The following PARP11 variants were observed in gnomAD, a reference collection of about 807,000 sequenced individuals.
PARP11 encodes protein mono-ADP-ribosyltransferase PARP11.
In PARP11, 31 loss-of-function variants were observed where a neutral mutation model predicts 42.9. The ratio of observed to expected loss-of-function variants is 0.72; its 90% confidence interval spans 0.54 to 0.98. The LOEUF is 0.98. Among genes scored for constraint, PARP11 ranks in the 50% least tolerant of loss-of-function variants. PARP11 has a pLI of 0.00. For missense variants in PARP11, 365 were observed against 413.1 expected (o/e 0.88, Z 1.01); for synonymous variants, 137 against 127.3 (o/e 1.08, Z -0.51).
At position 3,861,946 on chromosome 12, in the gene PARP11, A is replaced by G. The variant is rs1040109578; in HGVS notation, c.18+11266T>C. ...AGGCTGAGACAGGAGAATGGCGTGA[A>G]CCCAGGAGGCAGAGCTTGCAGTAGG... On this transcript the variant is annotated intron_variant, in intron 1 of 7. Coordinates refer to ENST00000228820, the MANE Select transcript of PARP11 (RefSeq NM_020367.6). This position sits in a 1 kb window ranked among gnomAD's most constrained non-coding sequence, Gnocchi z 4.6. 5.3e-5 allele frequency among the ~76,000 whole-genome samples: 8 copies of G among 152,056 alleles called. No individual in the cohort carries two copies. The highest frequency in any genetic ancestry group is 1.0e-4 in the Non-Finnish European group (7 of 68,008).
Position 3,839,325 on chromosome 12 carries a change from C to G in PARP11, c.19-9307G>C, listed in dbSNP as rs934750363. ...ACATGGAGGCGGCCGTCGGCGTCCC[C>G]GACGGCGAGGACCAGGGCGGCGCGG... On this transcript the variant is annotated intron_variant, in intron 1 of 7. Coordinates refer to ENST00000228820, the MANE Select transcript of PARP11 (RefSeq NM_020367.6). 9 of 1,529,492 alleles carry G rather than the reference C, an allele frequency of 5.9e-6. No individual in the cohort carries two copies. In the African/African-American group the frequency reaches 9.6e-5, roughly 16 times the overall value. 94.7% of individuals were successfully genotyped at this position (1,529,492 alleles called of 1,614,324 possible).
At position 3,828,955 on chromosome 12, in the gene PARP11, T is replaced by C; in HGVS notation, c.223A>G (p.Ile75Val). ...KSFKTNPCGS[I>V]SFTTSKFSYK... ...CTGAATTTGGAAGTAGTAAAAGAAA[T>C]GGAGCCACAAGGGTTTGTTTTGAAG... The change falls in exon 3 of 8, where the codon ATT (isoleucine) becomes GTT (valine). Residue 75 changes from isoleucine to valine, a missense_variant. Transcript: ENST00000228820. The C allele has an allele frequency of 6.2e-7, 1 of 1,613,986 alleles. No individual in the cohort carries two copies. Among genetic ancestry groups the C allele is most frequent in the Non-Finnish European group, 8.5e-7 (1 of 1,179,920 alleles).
chr12:3,868,972 T>C (rs1391214691), intron 1 of PARP11, among the ~76,000 whole-genome samples: 1 of 152,342 alleles, frequency 6.6e-6, no homozygotes, highest in East Asian at 1.9e-4. Flanking sequence ...CTAAAGGTTG[T>C]ATGAGAGAAT....
At chr12:3,841,683 C>G in intron 1 of PARP11, 1 of 1,613,330 alleles carries the variant, frequency 6.2e-7, no homozygotes, top group Non-Finnish European at 8.5e-7. Context: ...AGAATATGTT[C>G]CCCCAGCCAT....
At chr12:3,847,544 CACA>C (rs1948026898) in intron 1 of PARP11, among the ~76,000 whole-genome samples, 1 of 152,160 alleles carries the variant, frequency 6.6e-6, no homozygotes, top group Non-Finnish European at 1.5e-5. Flanking sequence ...CATGACAGAT[CACA>C]ACAACAGAGA....
intron 1 of PARP11, chr12:3,841,048 C>G: frequency 1.3e-6 from 2 of 1,588,420 alleles, no homozygotes; most frequent in East Asian, 2.2e-5. Flanking sequence ...GACCCCTGGA[C>G]CTGATTCTGC....
chr12:3,820,107 T>C (rs1947363293), intron 6 of PARP11, among the ~76,000 whole-genome samples: 1 of 152,216 alleles, frequency 6.6e-6, no homozygotes, highest in Non-Finnish European at 1.5e-5. Context: ...GACCCCTACA[T>C]TTCTGTGTTA....
chr12:3,837,239 G>A (rs1308510125), intron 1 of PARP11, among the ~76,000 whole-genome samples: 3 of 152,236 alleles, frequency 2.0e-5, no homozygotes, highest in South Asian at 2.1e-4. Flanking sequence ...CTCCCACTCA[G>A]CATGGGCAGT....
chr12:3,829,809 T>G, intron 2 of PARP11, 81 bp downstream of exon 2: 1 of 1,368,268 alleles, frequency 7.3e-7, no homozygotes, highest in South Asian at 1.3e-5. Flanking sequence ...AGTTCTATAT[T>G]TATACTCATT....
In PARP11 at chr12:3,840,204, G is replaced by T. The variant is rs1406336113; in HGVS notation, c.19-10186C>A. The T allele has an allele frequency of 1.9e-6, 3 of 1,611,194 alleles. No individual in the cohort carries two copies. The highest frequency in any genetic ancestry group is 1.7e-5 in the Admixed American group (1 of 60,030). ...GGTTGGATCACAATGGAAAATTTTT[G>T]AATGCAGACGTTCAAGGAGTTCATT... On this transcript the variant is annotated intron_variant, in intron 1 of 7. Coordinates refer to ENST00000228820, the MANE Select transcript of PARP11 (RefSeq NM_020367.6). The surrounding 1 kb of genome is among the most constrained non-coding windows in gnomAD (Gnocchi z 4.4).
intron 1 of PARP11, among the ~76,000 whole-genome samples, chr12:3,834,356 G>C (rs1353483224): frequency 6.6e-6 from 1 of 152,156 alleles, no homozygotes; most frequent in Non-Finnish European, 1.5e-5. Flanking sequence ...CAGTGGGCCG[G>C]GTGTGGTGGT....
chr12:3,840,099 G>A lies in PARP11; in HGVS notation c.19-10081C>T, dbSNP rs1036860709. On this transcript the variant is annotated intron_variant, in intron 1 of 7. Coordinates refer to ENST00000228820, the MANE Select transcript of PARP11 (RefSeq NM_020367.6). The surrounding 1 kb of genome is among the most constrained non-coding windows in gnomAD (Gnocchi z 4.4). ...ATGTGGAATATGAAATTTGGCTGGA[G>A]TCTAAACAAGCTCAGCAAAAACGTG... The A allele has an allele frequency of 1.2e-6, 2 of 1,609,762 alleles. No homozygotes were observed. Among genetic ancestry groups the A allele is most frequent in the Admixed American group, 3.3e-5 (2 of 60,006 alleles).
intron 1 of PARP11, among the ~76,000 whole-genome samples, chr12:3,836,036 T>TATATATATATACACACACTCACACAC (rs1565539841): frequency 6.6e-6 from 1 of 150,878 alleles, no homozygotes; most frequent in East Asian, 1.9e-4. Flanking sequence ...CACACACACA[T>TATATATATATACACACACTCACACAC]ATATATATAT....
chr12:3,817,644 G>C (rs1947318873), intron 6 of PARP11, among the ~76,000 whole-genome samples: 1 of 152,164 alleles, frequency 6.6e-6, no homozygotes, highest in Non-Finnish European at 1.5e-5. Flanking sequence ...CGAACTTACT[G>C]AAAGTACTGT....
At chr12:3,870,400 G>A (rs1261786503) in intron 1 of PARP11, among the ~76,000 whole-genome samples, 1 of 152,190 alleles carries the variant, frequency 6.6e-6, no homozygotes, top group Non-Finnish European at 1.5e-5. Context: ...GCTGAAATTA[G>A]CAAAATCACA....
chr12:3,812,255 C>T lies in PARP11; in HGVS notation c.885G>A (p.Met295Ile), dbSNP rs571551050. ...GDYINGDSKY[M>I]RPPSKDGSYV... The stretch of plus-strand genomic sequence containing the variant: ...AGCTCCCGTCTTTGGAAGGAGGTCG[C>T]ATGTATTTGGAGTCTCCGTTTATGT... Residue 295 changes from methionine to isoleucine, a missense_variant, in exon 8 of 8, where the codon ATG (methionine) becomes ATA (isoleucine). Physicochemically the swap from Met to Ile is conservative, Grantham distance 10. Coordinates refer to ENST00000228820, the MANE Select transcript of PARP11 (RefSeq NM_020367.6). 2.5e-6 allele frequency: 4 copies of T among 1,614,202 alleles called. No individual in the cohort carries two copies. Among genetic ancestry groups the T allele is most frequent in the Admixed American group, 1.7e-5 (1 of 60,030 alleles).
rs1481768210 is a variant in PARP11 at position 3,811,514 on chromosome 12, A to G, written c.*609T>C. ...GGCTGCAGCCTGCTATCCTAAGGCA[A>G]CTGGAAAGTGGGGCATTCTACCTTG... On this transcript the variant is annotated 3_prime_UTR_variant, in exon 8 of 8. Transcript: ENST00000228820. The G allele has an allele frequency of 6.6e-6, 1 of 152,248 alleles. No individual in the cohort carries two copies. Among genetic ancestry groups the G allele is most frequent in the African/African-American group, 2.4e-5 (1 of 41,452 alleles). The allele number at this position is 152,248 out of a possible 1,614,324, so 9.4% of individuals were successfully genotyped here.
intron 1 of PARP11, among the ~76,000 whole-genome samples, chr12:3,870,457 T>C (rs1948455910): frequency 1.3e-5 from 2 of 152,188 alleles, no homozygotes; most frequent in Admixed American, 1.3e-4. Context: ...AATGAGATAA[T>C]GATATAACAA....
chr12:3,829,263 T>C (rs1947590039), intron 2 of PARP11, among the ~76,000 whole-genome samples: 1 of 152,222 alleles, frequency 6.6e-6, no homozygotes, highest in Non-Finnish European at 1.5e-5. Context: ...ATAACAGATA[T>C]ATATAGAAAT....
Sources: gnomAD v4.1 joint callset for allele counts (sites outside exome capture counted in the v4.1 genomes callset) on GRCh38, gnomAD v4.1.1 for gene constraint, Gnocchi (gnomAD v3.1) non-coding constraint, MANE v1.5 for transcripts, NCBI Gene and HGNC (gene_info 2026-07-23, HGNC 2026-07-21) for gene names.